Variants in DRC7 observed in about 807,000 individuals in gnomAD.
The protein encoded by DRC7 is coiled-coil domain containing 135.
Under a neutral mutation model 104.4 loss-of-function variants are expected in DRC7, and 80 were observed. That is an observed-to-expected ratio of 0.77 (90% CI 0.64 to 0.92). The LOEUF (loss-of-function observed/expected upper bound fraction) is 0.92. Ranked by LOEUF, DRC7 falls within the 40% of genes least tolerant of loss-of-function variation. DRC7 has a pLI of 0.00. For synonymous variants in DRC7, 405 were observed against 447.3 expected, an observed-to-expected ratio of 0.91 and a Z score of 1.19; for missense variants, 1,034 against 1,141.1, an observed-to-expected ratio of 0.91 and a Z score of 1.35.
intron 9 of DRC7, 129 bp downstream of exon 9, chr16:57,718,604 G>C (rs62039922): frequency 0.028 from 32,336 of 1,143,478 alleles, 2,264 homozygotes; most frequent in East Asian, 0.25. Flanking sequence ...GTTCCTCAAA[G>C]CAGGAAGGCT....
chr16:57,718,739 C>G (rs1395145849), intron 9 of DRC7, among the ~76,000 whole-genome samples: 1 of 152,178 alleles, frequency 6.6e-6, no homozygotes, highest in African/African-American at 2.4e-5. Context: ...CCCCCCATAT[C>G]GTCCACCTTG....
chr16:57,704,376 T>TACACACACGCACACACAC (rs2048690244), intron 6 of DRC7, among the ~76,000 whole-genome samples: 1 of 148,994 alleles, frequency 6.7e-6, no homozygotes, highest in African/African-American at 2.5e-5. Context: ...CACGCAAGCG[T>TACACACACGCACACACAC]ACACACACAC....
In DRC7 at chr16:57,705,006, G is replaced by A. The variant is rs116668060; in HGVS notation, c.830G>A (p.Arg277Gln). Residue 277 changes from arginine (R) to glutamine (Q), a missense_variant, in exon 7 of 19, where the codon CGG becomes CAG. Coordinates refer to ENST00000360716, the MANE Select transcript of DRC7 (RefSeq NM_001289162.2). ...QQEIRAQEKK[R>Q]LREEEERLME... is the part of the protein sequence containing the mutation. ...GAGATCAGAGCCCAGGAGAAGAAGC[G>A]GCTGAGGGAGGAGGAGGAGCGCCTC... 3,572 of 1,612,852 alleles carry A rather than the reference G, an allele frequency of 2.2e-3. 57 individuals are homozygous for A. In the African/African-American group the frequency reaches 0.041, roughly 19 times the overall value.
chr16:57,713,525 A>G (rs377658284), intron 8 of DRC7, among the ~76,000 whole-genome samples: 7 of 152,254 alleles, frequency 4.6e-5, no homozygotes, highest in East Asian at 1.9e-4. Flanking sequence ...TCTGATGTCT[A>G]TTTTGTCTGA....
At position 57,704,132 on chromosome 16, in the gene DRC7, C is replaced by T. The variant is rs58163326; in HGVS notation, c.700-744C>T. ...TGTCCATTGTGCTTGTTGCTCCCCA[C>T]GATGGCCCAGTGTGGTAGATATTGT... On this transcript the variant is annotated intron_variant, in intron 6 of 18. Transcript: ENST00000360716. 8.3e-3 allele frequency among the ~76,000 whole-genome samples: 1,263 copies of T among 152,208 alleles called. 12 individuals are homozygous for T. The highest frequency in any genetic ancestry group is 0.029 in the African/African-American group (1,197 of 41,514).
chr16:57,705,870 T>C (rs1297765178), intron 7 of DRC7, among the ~76,000 whole-genome samples: 28 of 65,628 alleles, frequency 4.3e-4, no homozygotes, highest in South Asian at 1.1e-3. Flanking sequence ...ACCCACTTAT[T>C]CTCCCATCCA....
At chr16:57,726,685 TAA>T (rs1358724194) in intron 14 of DRC7, 145 bp from the exon 15 acceptor site, 2 of 582,082 alleles carry the variant, frequency 3.4e-6, no homozygotes, top group Non-Finnish European at 6.2e-6. Flanking sequence ...TGTATTTTTA[TAA>T]GTGAGAAAAT....
chr16:57,709,642 T>C (rs1324266565), intron 8 of DRC7, among the ~76,000 whole-genome samples: 1 of 152,234 alleles, frequency 6.6e-6, no homozygotes, highest in Admixed American at 6.5e-5. Context: ...TTCCCCCCTT[T>C]TTAAAATTGA....
At chr16:57,703,990 A>G (rs1468187755) in intron 6 of DRC7, among the ~76,000 whole-genome samples, 16 of 129,856 alleles carry the variant, frequency 1.2e-4, no homozygotes, top group African/African-American at 4.2e-4. Flanking sequence ...AAAAAAAAAA[A>G]GCCTCTGAGC....
chr16:57,695,704 C>G (rs1479724911), intron 1 of DRC7, among the ~76,000 whole-genome samples: 1 of 152,194 alleles, frequency 6.6e-6, no homozygotes, highest in East Asian at 1.9e-4. Flanking sequence ...GCATTCGTCC[C>G]CTCCTGAGTC....
rs113808967 is a variant in DRC7, at chr16:57,727,336, C to A, written c.2123C>A (p.Ala708Glu). 67 of 1,613,050 alleles carry A rather than the reference C, an allele frequency of 4.2e-5. No homozygotes were observed. Among genetic ancestry groups the A allele is most frequent in the Non-Finnish European group, 5.6e-5 (66 of 1,179,788 alleles). Reference protein sequence around the residue: ...EILKLREEEEAAHTLTISIYD... With the variant: ...EILKLREEEEEAHTLTISIYD... ...CTGAAGCTTCGAGAGGAAGAGGAGGCGGCGCACACACTGACCATCTCCATC... is the reference window on the plus strand; with the variant it reads ...CTGAAGCTTCGAGAGGAAGAGGAGGAGGCGCACACACTGACCATCTCCATC... Residue 708 changes from alanine (A) to glutamate (E), a missense_variant, in exon 16 of 19, where the codon GCG becomes GAG. By Grantham distance (107) the Ala-to-Glu change is moderately radical. Coordinates refer to ENST00000360716, the MANE Select transcript of DRC7 (RefSeq NM_001289162.2).
chr16:57,712,765 T>G (rs946719776), intron 8 of DRC7, among the ~76,000 whole-genome samples: 1 of 152,134 alleles, frequency 6.6e-6, no homozygotes, highest in Non-Finnish European at 1.5e-5. Context: ...CCTCCTGGGT[T>G]CAAGCGATTC....
At chr16:57,727,096 G>A (rs1471167858) in intron 15 of DRC7, 154 bp downstream of exon 15, 8 of 651,454 alleles carry the variant, frequency 1.2e-5, no homozygotes, top group Admixed American at 5.2e-5. Context: ...AGGTAACTGG[G>A]ACCACTAGCG....
At position 57,718,444 on chromosome 16, in the gene DRC7, G is replaced by A; in HGVS notation, c.1175G>A (p.Gly392Glu). 1 of 1,614,080 alleles carries A rather than the reference G, an allele frequency of 6.2e-7. No individual in the cohort carries two copies. The highest frequency in any genetic ancestry group is 8.5e-7 in the Non-Finnish European group (1 of 1,179,970). Residue 392 changes from glycine (G) to glutamate (E), a missense_variant, in exon 9 of 19, where the codon GGG becomes GAG. Physicochemically the swap from Gly to Glu is moderately conservative, Grantham distance 98. Transcript: ENST00000360716. The stretch of plus-strand genomic sequence containing the variant: ...TCCTTGACTGAAGAAGACGACAGTG[G>A]GATAAACGATGAGGATGATGTGGAA... Reference protein sequence around the residue: ...QLSLTEEDDSGINDEDDVENL... With the variant: ...QLSLTEEDDSEINDEDDVENL...
At chr16:57,723,200 G>C in intron 12 of DRC7, 70 bp downstream of exon 12, 1 of 1,552,414 alleles carries the variant, frequency 6.4e-7, no homozygotes, top group Non-Finnish European at 8.7e-7. Context: ...TGTGGCAGGT[G>C]GTATGTGGTG....
intron 2 of DRC7, among the ~76,000 whole-genome samples, chr16:57,697,466 G>C (rs1444571311): frequency 6.6e-6 from 1 of 151,818 alleles, no homozygotes; most frequent in Non-Finnish European, 1.5e-5. Context: ...TACTGGGGAG[G>C]CTGAGGTGGG....
chr16:57,727,242 G>T (rs561816012), intron 15 of DRC7, 57 bp from the exon 16 acceptor site: 1 of 1,405,220 alleles, frequency 7.1e-7, no homozygotes. Flanking sequence ...AAGTGCTGGG[G>T]TTACAGGAGT....
In DRC7 at chr16:57,731,070, G is replaced by T. The variant is rs201384152; in HGVS notation, c.2531G>T (p.Arg844Leu). 6.8e-6 allele frequency: 11 copies of T among 1,613,740 alleles called. No homozygotes were observed. The South Asian group carries it at 1.1e-4, about 16-fold the overall frequency. ...CGCATCCTGGAGCAGCGCCTCAATC[G>T]GTGAGCAGGCAGGGCAGGTGGAGAG... ...RIRILEQRLNRHKELAPLKYL... is the reference protein window; with the variant it reads ...RIRILEQRLNLHKELAPLKYL... The change falls in exon 18 of 19, where the codon CGA (arginine) becomes CTA (leucine). Residue 844 changes from arginine (R) to leucine (L), a missense_variant and splice_region_variant. Physicochemically the swap from Arg to Leu is moderately radical, Grantham distance 102. Coordinates refer to ENST00000360716, the MANE Select transcript of DRC7 (RefSeq NM_001289162.2).
At chr16:57,729,828 G>A (rs1200070423) in intron 17 of DRC7, among the ~76,000 whole-genome samples, 3 of 145,158 alleles carry the variant, frequency 2.1e-5, no homozygotes, top group Admixed American at 6.8e-5. Context: ...GTGGATGGAC[G>A]AGTGGGTGGG....
Sources: gnomAD v4.1 joint callset for allele counts (sites outside exome capture counted in the v4.1 genomes callset) on GRCh38, gnomAD v4.1.1 for gene constraint, MANE v1.5 for transcripts, NCBI Gene and HGNC (gene_info 2026-07-23, HGNC 2026-07-21) for gene names.